MICU3: variants seen among roughly 807,000 people sequenced by gnomAD.
MICU3 encodes mitochondrial calcium uptake 3.
A neutral mutation model predicts 66.5 loss-of-function variants in MICU3; 62 were observed. The observed-to-expected ratio is 0.93, with a 90% CI of 0.76 to 1.15. MICU3 has a LOEUF of 1.15. Ranked by LOEUF, MICU3 falls within the 50% of genes most tolerant of loss-of-function variation. The pLI, the probability that MICU3 is intolerant of heterozygous loss-of-function variation, is 0.00. For missense variants in MICU3, 779 were observed against 664.4 expected, an observed-to-expected ratio of 1.17 and a Z score of -1.90; for synonymous variants, 308 against 240.7, an observed-to-expected ratio of 1.28 and a Z score of -2.59.
chr8:17,081,255 T>A (rs2150722240), intron 4 of MICU3, among the ~76,000 whole-genome samples: 1 of 152,272 alleles, frequency 6.6e-6, no homozygotes, highest in African/African-American at 2.4e-5. Context: ...TAACAGGGTC[T>A]AAGTGTTTTA....
chr8:17,099,272 G>T (rs992079589), intron 9 of MICU3, among the ~76,000 whole-genome samples: 1 of 151,520 alleles, frequency 6.6e-6, no homozygotes, highest in African/African-American at 2.4e-5. Context: ...GGCAGCTAGC[G>T]GTCTTACCAG....
At chr8:17,106,990 A>G (rs558977524) in intron 11 of MICU3, among the ~76,000 whole-genome samples, 1 of 152,124 alleles carries the variant, frequency 6.6e-6, no homozygotes, top group Non-Finnish European at 1.5e-5. Flanking sequence ...AACAGCTACT[A>G]ATATTTGAAT....
At chr8:17,101,472 C>T (rs1055604610) in intron 9 of MICU3, among the ~76,000 whole-genome samples, 4 of 151,782 alleles carry the variant, frequency 2.6e-5, no homozygotes, top group Non-Finnish European at 4.4e-5. Context: ...ACTTATGCCT[C>T]ATTGGATCTG....
Position 17,116,589 on chromosome 8 carries a change from A to G in MICU3, c.1513A>G (p.Arg505Gly). The G allele has an allele frequency of 6.4e-7, 1 of 1,560,566 alleles. No homozygotes were observed. The highest frequency in any genetic ancestry group is 8.6e-7 in the Non-Finnish European group (1 of 1,162,006). ...FIGIMKDRLH[R>G]GFRGYKTVQK... is the part of the protein sequence containing the mutation. ...TGGAATTATGAAAGACAGACTCCAT[A>G]GAGGATTCCGGGTAAACCTACACAT... The change falls in exon 13 of 15, where the codon AGA becomes GGA. Residue 505 changes from arginine (R) to glycine (G), a missense_variant. Arg to Gly is a moderately radical substitution (Grantham distance 125, BLOSUM62 -2). Coordinates refer to ENST00000318063, the MANE Select transcript of MICU3 (RefSeq NM_181723.3).
chr8:17,093,065 G>A (rs910802519), intron 8 of MICU3, among the ~76,000 whole-genome samples: 7 of 151,968 alleles, frequency 4.6e-5, no homozygotes, highest in South Asian at 2.1e-4. Flanking sequence ...TTTCCATCAC[G>A]TTATTTCCTG....
intron 14 of MICU3, among the ~76,000 whole-genome samples, chr8:17,119,986 G>C (rs190707877): frequency 1.9e-4 from 29 of 152,204 alleles, no homozygotes; most frequent in Admixed American, 1.1e-3. Flanking sequence ...CCATTGTCTG[G>C]TATGTCCACA....
At chr8:17,081,952 TA>T in intron 5 of MICU3, 1 of 343,262 alleles carries the variant, frequency 2.9e-6, no homozygotes, top group African/African-American at 2.2e-5. Context: ...TAAATGCTCA[TA>T]AATTATAAAT....
rs1803166495 is a variant in MICU3 at position 17,121,138 on chromosome 8, T to G, written c.*851T>G. The G allele has an allele frequency of 1.3e-5, 2 of 151,910 alleles. No individual in the cohort carries two copies. The highest frequency in any genetic ancestry group is 2.9e-5 in the Non-Finnish European group (2 of 67,824). The allele number at this position is 151,910 out of a possible 1,614,324, so 9.4% of individuals were successfully genotyped here. A position where few individuals can be genotyped will look rare whatever the true frequency, so the allele number is the denominator to read the frequency against. On this transcript the variant is annotated 3_prime_UTR_variant, in exon 15 of 15. Coordinates refer to ENST00000318063, the MANE Select transcript of MICU3 (RefSeq NM_181723.3). ...AGGTGGTACACGTTAATAACACTAG[T>G]AAAAATAACGTCTTACACTCTGTAA...
At chr8:17,130,901 T>G in the MICU3 span, among the ~76,000 whole-genome samples, 1,742 of 152,356 alleles carry the variant, frequency 0.011, 39 homozygotes, top group African/African-American at 0.04. Context: ...GTTAATCAGT[T>G]TTTAATGAAG....
At chr8:17,106,404 G>T (rs1410775921) in intron 11 of MICU3, among the ~76,000 whole-genome samples, 3 of 150,282 alleles carry the variant, frequency 2.0e-5, no homozygotes, top group Admixed American at 6.6e-5. Context: ...CTCCAAATTA[G>T]AGTACTTTTT....
chr8:17,089,957 G>A (rs1213524322), intron 7 of MICU3, among the ~76,000 whole-genome samples: 1 of 152,012 alleles, frequency 6.6e-6, no homozygotes, highest in Non-Finnish European at 1.5e-5. Flanking sequence ...GAAGGGAAAA[G>A]GGAAGTGAAC....
chr8:17,136,150 A>G, the MICU3 span, among the ~76,000 whole-genome samples: 5 of 152,182 alleles, frequency 3.3e-5, no homozygotes, highest in South Asian at 2.1e-4. Context: ...ATGGTTATTA[A>G]CCAGTAGGCT....
intron 1 of MICU3, among the ~76,000 whole-genome samples, chr8:17,042,715 A>C (rs1585196337): frequency 6.6e-6 from 1 of 152,236 alleles, no homozygotes; most frequent in African/African-American, 2.4e-5. Context: ...TTTTCTAATT[A>C]ATTGTCTTCT....
intron 9 of MICU3, among the ~76,000 whole-genome samples, chr8:17,100,903 G>A (rs1471279834): frequency 6.6e-6 from 1 of 151,642 alleles, no homozygotes; most frequent in Non-Finnish European, 1.5e-5. Context: ...ACTGTTTTGA[G>A]TTCTACAGAT....
At chr8:17,095,491 C>A (rs1006127859) in intron 8 of MICU3, among the ~76,000 whole-genome samples, 5 of 151,774 alleles carry the variant, frequency 3.3e-5, no homozygotes, top group African/African-American at 1.2e-4. Flanking sequence ...GTGTGTTTGT[C>A]TGTGTTTAAA....
intron 9 of MICU3, 87 bp downstream of exon 9, chr8:17,098,640 C>T: frequency 1.2e-6 from 1 of 857,782 alleles, no homozygotes; most frequent in South Asian, 1.4e-5. Context: ...GTGATGAAAC[C>T]CAACATGTAT....
rs745857178 is a variant in MICU3, at chr8:17,087,036, G to A, written c.849+1G>A. The A allele has an allele frequency of 8.8e-6, 14 of 1,594,174 alleles. No homozygotes were observed. In the Admixed American group the frequency reaches 1.5e-4, roughly 17 times the overall value. ...AGATGAAGAAAAGCGTGCAATGCTG[G>A]TAAGAATACTTTATAGTAGCTTTAG... On this transcript the variant is annotated splice_donor_variant, in intron 7 of 14. Transcript: ENST00000318063. LOFTEE classifies it high-confidence loss of function.
chr8:17,031,262 T>TTTATTATTATTATTATTA (rs60712856), intron 1 of MICU3, among the ~76,000 whole-genome samples: 6 of 139,194 alleles, frequency 4.3e-5, no homozygotes, highest in Non-Finnish European at 7.6e-5. Context: ...TGCCACTTCA[T>TTTATTATTATTATTATTA]TTATTATTAT....
At chr8:17,124,295 C>G (rs1427843348), downstream of MICU3, among the ~76,000 whole-genome samples, 16 of 151,932 alleles carry the variant, frequency 1.1e-4, no homozygotes, top group Admixed American at 1.1e-3. Flanking sequence ...TAATTTTCTC[C>G]TTTGCAGTTT....
Sources: gnomAD v4.1 joint callset for allele counts (sites outside exome capture counted in the v4.1 genomes callset) on GRCh38, gnomAD v4.1.1 for gene constraint, MANE v1.5 for transcripts, NCBI Gene and HGNC (gene_info 2026-07-23, HGNC 2026-07-21) for gene names.